The following NDUFAF5 variants were observed in gnomAD, a reference collection of about 807,000 sequenced individuals.
NDUFAF5 encodes the protein NADH:ubiquinone oxidoreductase complex assembly factor 5.
In NDUFAF5, 34 loss-of-function variants were observed where a neutral mutation model predicts 48.9. The ratio of observed to expected loss-of-function variants is 0.70; its 90% CI spans 0.53 to 0.93. The LOEUF is 0.93. Among genes scored for constraint, NDUFAF5 ranks in the 40% least tolerant of loss-of-function variants. The pLI is 0.00. For synonymous variants in NDUFAF5, 153 were observed against 150.6 expected (o/e 1.02, Z -0.12); for missense variants, 428 against 427.5 (o/e 1.00, Z -0.01).
intron 5 of NDUFAF5, among the ~76,000 whole-genome samples, chr20:13,798,205 A>G (rs893274519): frequency 1.4e-4 from 22 of 152,260 alleles, no homozygotes; most frequent in Admixed American, 1.3e-4. Flanking sequence ...ATAATTAGAA[A>G]ATAATCATAT....
At chr20:13,791,867 C>T (rs1031672055) in intron 3 of NDUFAF5, among the ~76,000 whole-genome samples, 12 of 152,208 alleles carry the variant, frequency 7.9e-5, no homozygotes, top group Non-Finnish European at 1.3e-4. Context: ...TATGAATATG[C>T]TACACCCAAG....
chr20:13,788,523 A>C, intron 2 of NDUFAF5, 66 bp from the exon 3 acceptor site: 1 of 1,281,718 alleles, frequency 7.8e-7, no homozygotes, highest in Non-Finnish European at 1.1e-6. Flanking sequence ...TTACCTAAGA[A>C]AAAATAATTC....
In NDUFAF5 at chr20:13,817,712, A is replaced by C. The variant is rs552248683; in HGVS notation, c.*502A>C. 1 of 453,992 alleles carries C rather than the reference A, an allele frequency of 2.2e-6. No individual in the cohort carries two copies. Among genetic ancestry groups the C allele is most frequent in the East Asian group, 6.9e-5 (1 of 14,392 alleles). The allele number at this position is 453,992 out of a possible 1,614,324, so 28.1% of individuals were successfully genotyped here. ...TTTTTATCTCCATGGTGTGGGTGGG[A>C]CCACCATGGTTTTACACCCCACCCT... On this transcript the variant is annotated 3_prime_UTR_variant, in exon 11 of 11. Transcript: ENST00000378106.
chr20:13,809,886 C>T (rs187122128), intron 8 of NDUFAF5, among the ~76,000 whole-genome samples: 1 of 152,300 alleles, frequency 6.6e-6, no homozygotes, highest in Non-Finnish European at 1.5e-5. Flanking sequence ...AGGAGAAAGA[C>T]ATTTGAAGCT....
intron 6 of NDUFAF5, among the ~76,000 whole-genome samples, chr20:13,799,576 G>A (rs1029311559): frequency 3.3e-5 from 5 of 151,960 alleles, no homozygotes; most frequent in Non-Finnish European, 7.4e-5. Context: ...GCAGGTGCTT[G>A]TAATCCCAGC....
At chr20:13,793,426 C>T (rs959285026) in intron 4 of NDUFAF5, among the ~76,000 whole-genome samples, 199 bp downstream of exon 4, 1 of 152,192 alleles carries the variant, frequency 6.6e-6, no homozygotes, top group African/African-American at 2.4e-5. Flanking sequence ...ATTGGTGGCA[C>T]TTGGTCTCCA....
chr20:13,795,741 C>T (rs963615387), intron 5 of NDUFAF5, among the ~76,000 whole-genome samples: 1 of 152,132 alleles, frequency 6.6e-6, no homozygotes, highest in African/African-American at 2.4e-5. Flanking sequence ...ATCACTTGAG[C>T]CTGGTAAGTT....
At position 13,785,033 on chromosome 20, in the gene NDUFAF5, C is replaced by T. The variant is rs1183073463; in HGVS notation, c.-36C>T. 1 of 1,583,412 alleles carries T rather than the reference C, an allele frequency of 6.3e-7. No individual in the cohort carries two copies. The highest frequency in any genetic ancestry group is 8.6e-7 in the Non-Finnish European group (1 of 1,163,058). On this transcript the variant is annotated 5_prime_UTR_variant, in exon 1 of 11. Coordinates refer to ENST00000378106, the MANE Select transcript of NDUFAF5 (RefSeq NM_024120.5). ...CACAAAAGCCGCGCTGGCGCATGCG[C>T]ACAAAAAGCGCCGGCAATTGGGGTC...
chr20:13,808,596 C>T (rs572275688), intron 7 of NDUFAF5, among the ~76,000 whole-genome samples: 1 of 152,162 alleles, frequency 6.6e-6, no homozygotes, highest in African/African-American at 2.4e-5. Flanking sequence ...CTGTGTGGTT[C>T]CCAAAGAGAG....
intron 2 of NDUFAF5, 149 bp downstream of exon 2, chr20:13,787,501 C>A: frequency 1.2e-6 from 1 of 812,016 alleles, no homozygotes; most frequent in Non-Finnish European, 2.2e-6. Context: ...TCTCCTTTTT[C>A]TTGTCTGGAG....
chr20:13,795,683 G>T (rs768012796), intron 5 of NDUFAF5, among the ~76,000 whole-genome samples: 2 of 152,164 alleles, frequency 1.3e-5, no homozygotes, highest in African/African-American at 2.4e-5. Flanking sequence ...GCTGGGCAAG[G>T]TGGCGCATGC....
At chr20:13,806,203 A>G (rs1444961552) in intron 7 of NDUFAF5, among the ~76,000 whole-genome samples, 1 of 152,188 alleles carries the variant, frequency 6.6e-6, no homozygotes, top group Non-Finnish European at 1.5e-5. Context: ...CTACCAGACT[A>G]GTACTTTAAG....
In NDUFAF5 at chr20:13,785,234, A is replaced by G; in HGVS notation, c.166A>G (p.Lys56Glu). 1 of 1,613,604 alleles carries G rather than the reference A, an allele frequency of 6.2e-7. No homozygotes were observed. Among genetic ancestry groups the G allele is most frequent in the South Asian group, 1.1e-5 (1 of 91,012 alleles). ...IFDRDLKRKQ[K>E]NWAARQPEPT... ...CGACCGGGATTTGAAAAGGAAACAGAAGAACTGGGCAGCCCGGCAGCCCGA... is the reference window on the plus strand; with the variant it reads ...CGACCGGGATTTGAAAAGGAAACAGGAGAACTGGGCAGCCCGGCAGCCCGA... The change falls in exon 1 of 11, where the codon AAG (lysine) becomes GAG (glutamate). Residue 56 changes from lysine (K) to glutamate (E), a missense_variant. Coordinates refer to ENST00000378106, the MANE Select transcript of NDUFAF5 (RefSeq NM_024120.5).
chr20:13,800,992 C>G (rs554041769), intron 6 of NDUFAF5, among the ~76,000 whole-genome samples: 2 of 152,252 alleles, frequency 1.3e-5, no homozygotes, highest in Non-Finnish European at 2.9e-5. Context: ...GAGACCTAGA[C>G]GTGGAACTGG....
intron 7 of NDUFAF5, among the ~76,000 whole-genome samples, chr20:13,807,771 G>A (rs1163428455): frequency 7.3e-5 from 11 of 150,516 alleles, no homozygotes; most frequent in African/African-American, 1.5e-4. Context: ...GTGAAAGCCC[G>A]TCTCTACTAA....
intron 7 of NDUFAF5, 50 bp from the exon 8 acceptor site, chr20:13,808,792 A>T (rs771242895): frequency 1.5e-6 from 2 of 1,305,564 alleles, no homozygotes; most frequent in Non-Finnish European, 2.2e-6. Context: ...TTAAATCTGG[A>T]ATTTTGTATC....
intron 8 of NDUFAF5, among the ~76,000 whole-genome samples, chr20:13,812,255 T>TA (rs1985965613): frequency 2.0e-5 from 3 of 152,188 alleles, no homozygotes; most frequent in South Asian, 4.1e-4. Context: ...GCTGAAATCT[T>TA]ACCATTGTCA....
At chr20:13,816,263 T>G in intron 8 of NDUFAF5, 200 bp from the exon 9 acceptor site, 1 of 627,116 alleles carries the variant, frequency 1.6e-6, no homozygotes, top group South Asian at 1.8e-5. Context: ...GTCTTAATGT[T>G]GAAAAAGTTT....
intron 7 of NDUFAF5, 50 bp downstream of exon 7, chr20:13,801,733 C>T (rs747357794): frequency 4.1e-6 from 6 of 1,473,420 alleles, no homozygotes; most frequent in Non-Finnish European, 5.7e-6. Context: ...CAAAAAAGAA[C>T]TTCTTATCAT....
Sources: gnomAD v4.1 joint callset for allele counts (sites outside exome capture counted in the v4.1 genomes callset) on GRCh38, gnomAD v4.1.1 for gene constraint, MANE v1.5 for transcripts, NCBI Gene and HGNC (gene_info 2026-07-23, HGNC 2026-07-21) for gene names.